The following TXNDC16 variants were observed in gnomAD, a reference collection of about 807,000 sequenced individuals.
TXNDC16 encodes the protein thioredoxin domain containing 16, also known as thioredoxin domain-containing protein 16.
A neutral mutation model predicts 85.6 loss-of-function variants in TXNDC16; 74 were observed. The observed-to-expected ratio is 0.86, with a 90% confidence interval of 0.72 to 1.05. The LOEUF (loss-of-function observed/expected upper bound fraction) is 1.05, where lower values mean the gene tolerates loss of function less well. Ranked by LOEUF, TXNDC16 falls within the 50% of genes least tolerant of loss-of-function variation. The pLI is 0.00. For missense variants in TXNDC16, 959 were observed against 947.0 expected, an observed-to-expected ratio of 1.01 and a Z score of -0.17; for synonymous variants, 335 against 326.5, an observed-to-expected ratio of 1.03 and a Z score of -0.28.
At chr14:52,436,247 T>C (rs541255108) in intron 20 of TXNDC16, among the ~76,000 whole-genome samples, 8 of 152,338 alleles carry the variant, frequency 5.3e-5, no homozygotes, top group Admixed American at 2.0e-4. Flanking sequence ...TAAAAAGGAA[T>C]GAACTACTGG....
At chr14:52,485,390 A>T (rs1213438868) in intron 12 of TXNDC16, among the ~76,000 whole-genome samples, 1 of 152,242 alleles carries the variant, frequency 6.6e-6, no homozygotes, top group Non-Finnish European at 1.5e-5. Context: ...AATTGTAAAA[A>T]TGTATAAAGT....
At chr14:52,503,969 G>C (rs2036725913) in intron 9 of TXNDC16, among the ~76,000 whole-genome samples, 2 of 152,138 alleles carry the variant, frequency 1.3e-5, no homozygotes, top group Non-Finnish European at 2.9e-5. Context: ...GGAAGAAAGG[G>C]TATCAGTGAT....
chr14:52,462,315 C>A (rs1365168840), intron 16 of TXNDC16, among the ~76,000 whole-genome samples: 1 of 152,202 alleles, frequency 6.6e-6, no homozygotes, highest in East Asian at 1.9e-4. Context: ...CCCACCTCAG[C>A]TTCCTGAGTA....
chr14:52,480,977 A>ATATATATATG (rs1555336876), intron 14 of TXNDC16, among the ~76,000 whole-genome samples: 5 of 14,424 alleles, frequency 3.5e-4, no homozygotes, highest in African/African-American at 2.1e-3. Context: ...ATATATATGT[A>ATATATATATG]TATATATATA....
chr14:52,516,799 C>T (rs2037092854), intron 7 of TXNDC16, among the ~76,000 whole-genome samples: 1 of 152,074 alleles, frequency 6.6e-6, no homozygotes, highest in South Asian at 2.1e-4. Flanking sequence ...ACTCACCACC[C>T]TACCTTGGAG....
chr14:52,502,384 C>T (rs567383444), intron 9 of TXNDC16, among the ~76,000 whole-genome samples: 1 of 152,088 alleles, frequency 6.6e-6, no homozygotes, highest in Non-Finnish European at 1.5e-5. Flanking sequence ...GCAGGGTCAC[C>T]TGCATGGCAC....
intron 6 of TXNDC16, among the ~76,000 whole-genome samples, chr14:52,528,592 C>A (rs1207523501): frequency 6.6e-6 from 1 of 151,010 alleles, no homozygotes; most frequent in East Asian, 1.9e-4. Flanking sequence ...ATGTACATAT[C>A]TAATAGTAGA....
At chr14:52,508,137 A>C (rs2036859258) in intron 9 of TXNDC16, among the ~76,000 whole-genome samples, 1 of 152,172 alleles carries the variant, frequency 6.6e-6, no homozygotes, top group Non-Finnish European at 1.5e-5. Context: ...CAACCTACAG[A>C]ATGGGAGAAA....
chr14:52,546,006 C>G (rs1215418247), intron 1 of TXNDC16, among the ~76,000 whole-genome samples: 3 of 151,878 alleles, frequency 2.0e-5, no homozygotes, highest in African/African-American at 7.3e-5. Context: ...CAATACTTGG[C>G]CAGCCACGGT....
intron 6 of TXNDC16, among the ~76,000 whole-genome samples, chr14:52,529,984 T>G (rs1201237766): frequency 1.1e-5 from 1 of 94,828 alleles, no homozygotes; most frequent in African/African-American, 4.3e-5. Context: ...CAATATGTAA[T>G]ATATAATTCA....
intron 16 of TXNDC16, among the ~76,000 whole-genome samples, chr14:52,467,762 A>T (rs2140129010): frequency 6.6e-6 from 1 of 152,328 alleles, no homozygotes; most frequent in East Asian, 1.9e-4. Context: ...ACTCAAAATA[A>T]TTGAAAGCAG....
intron 18 of TXNDC16, among the ~76,000 whole-genome samples, chr14:52,442,518 T>C (rs1300917267): frequency 6.6e-6 from 1 of 152,218 alleles, no homozygotes; most frequent in Non-Finnish European, 1.5e-5. Context: ...AATTCTGGCA[T>C]ATAACTTTCC....
chr14:52,493,216 T>TACACACACACAC (rs35747449), intron 9 of TXNDC16, among the ~76,000 whole-genome samples: 1 of 115,994 alleles, frequency 8.6e-6, no homozygotes, highest in African/African-American at 3.5e-5. Context: ...TATATATATA[T>TACACACACACAC]ACACACACAC....
intron 12 of TXNDC16, among the ~76,000 whole-genome samples, chr14:52,485,864 G>A (rs2036257073): frequency 6.6e-6 from 1 of 152,132 alleles, no homozygotes; most frequent in South Asian, 2.1e-4. Flanking sequence ...ATCGTTAGGA[G>A]ACACATGACC....
intron 8 of TXNDC16, among the ~76,000 whole-genome samples, chr14:52,514,042 T>C (rs1183094233): frequency 6.6e-6 from 1 of 152,046 alleles, no homozygotes; most frequent in Admixed American, 6.6e-5. Flanking sequence ...GAGAGACTAA[T>C]GGAAAAAGGA....
intron 12 of TXNDC16, among the ~76,000 whole-genome samples, chr14:52,484,634 C>A (rs2036225898): frequency 6.6e-6 from 1 of 152,148 alleles, no homozygotes; most frequent in African/African-American, 2.4e-5. Flanking sequence ...AATCCCAGCA[C>A]TTTGGGGGGC....
At chr14:52,508,865 T>G (rs985239446) in intron 9 of TXNDC16, among the ~76,000 whole-genome samples, 1 of 151,946 alleles carries the variant, frequency 6.6e-6, no homozygotes, top group Non-Finnish European at 1.5e-5. Context: ...AAAGAACACA[T>G]TGACACAAGA....
At chr14:52,514,054 T>A (rs1039735010) in intron 8 of TXNDC16, among the ~76,000 whole-genome samples, 5 of 152,154 alleles carry the variant, frequency 3.3e-5, no homozygotes, top group Admixed American at 1.3e-4. Flanking sequence ...GAAAAAGGAA[T>A]GCTGGTCAAT....
rs1566582628 is a variant in TXNDC16 at position 52,530,432 on chromosome 14, A to AT, written c.392+6286_392+6287insA. Among the ~76,000 whole-genome samples the AT allele has an allele frequency of 3.9e-3, 74 of 18,812 alleles. 12 individuals are homozygous for AT. The highest frequency in any genetic ancestry group is 0.022 in the African/African-American group (70 of 3,224). The allele number at this position is 18,812 out of a possible 152,430, so 12.3% of individuals were successfully genotyped here. A position where few individuals can be genotyped will look rare whatever the true frequency, so the allele number is the denominator to read the frequency against. ...ATTATTATATAATATTATATATAAT[A>AT]ATATATAATATATTATTATATAATA... On this transcript the variant is annotated intron_variant, in intron 6 of 20. Coordinates refer to ENST00000281741, the MANE Select transcript of TXNDC16 (RefSeq NM_020784.3).
Sources: gnomAD v4.1 joint callset for allele counts (sites outside exome capture counted in the v4.1 genomes callset) on GRCh38, gnomAD v4.1.1 for gene constraint, MANE v1.5 for transcripts, NCBI Gene and HGNC (gene_info 2026-07-23, HGNC 2026-07-21) for gene names.